The following GRAMD1C variants were observed in gnomAD, a reference collection of about 807,000 sequenced individuals.
The protein encoded by GRAMD1C is protein Aster-C.
Under a neutral mutation model 97.8 loss-of-function variants are expected in GRAMD1C, and 89 were observed. That is an observed-to-expected ratio of 0.91 (90% CI 0.77 to 1.09). GRAMD1C has a LOEUF of 1.09. GRAMD1C is among the 50% of genes least tolerant of loss of function. GRAMD1C has a pLI of 0.00. For missense variants in GRAMD1C, 740 were observed against 766.4 expected, an observed-to-expected ratio of 0.97 and a Z score of 0.41; for synonymous variants, 256 against 267.0, an observed-to-expected ratio of 0.96 and a Z score of 0.40.
At chr3:113,885,142 G>A (rs192966506) in intron 6 of GRAMD1C, among the ~76,000 whole-genome samples, 3 of 151,956 alleles carry the variant, frequency 2.0e-5, no homozygotes, top group Admixed American at 2.0e-4. Flanking sequence ...CTCGCCAGGG[G>A]TGGCTTTCTG....
At chr3:113,872,974 A>G (rs146618612) in intron 3 of GRAMD1C, among the ~76,000 whole-genome samples, 2,870 of 150,274 alleles carry the variant, frequency 0.019, 52 homozygotes, top group Non-Finnish European at 0.031. Context: ...AGTCCCAGCT[A>G]CTCGGGAGGC....
intron 6 of GRAMD1C, among the ~76,000 whole-genome samples, chr3:113,889,184 G>C (rs1441481093): frequency 8.3e-6 from 1 of 120,892 alleles, no homozygotes; most frequent in African/African-American, 3.2e-5. Flanking sequence ...TGGGCAGTAA[G>C]AGCAAAACTC....
intron 6 of GRAMD1C, among the ~76,000 whole-genome samples, chr3:113,888,893 A>G (rs1189190765): frequency 6.6e-6 from 1 of 152,230 alleles, no homozygotes; most frequent in African/African-American, 2.4e-5. Flanking sequence ...ATGTCCATCA[A>G]GTGATTAATG....
chr3:113,911,584 TTTCC>T lies in GRAMD1C; in HGVS notation c.952+2480_952+2483del, dbSNP rs1028737030. Among the ~76,000 whole-genome samples, 98 of 151,850 alleles carry T rather than the reference TTTCC, an allele frequency of 6.5e-4. 2 individuals are homozygous for T. In the South Asian group the frequency reaches 1.0e-2, roughly 15 times the overall value. ...CCACCTTATTTAACTTAATTATTTC[TTTCC>T]TTCCTTCCTTCCTTCTCCCTCCCTC... On this transcript the variant is annotated intron_variant, in intron 9 of 17. Coordinates refer to ENST00000358160, the MANE Select transcript of GRAMD1C (RefSeq NM_017577.5).
At chr3:113,838,108 A>G (rs537965691), upstream of GRAMD1C, among the ~76,000 whole-genome samples, 2 of 152,306 alleles carry the variant, frequency 1.3e-5, no homozygotes, top group South Asian at 4.1e-4. Flanking sequence ...CTCTTTCATC[A>G]TGGCCTGAAC....
At chr3:113,905,789 G>A (rs537359821) in intron 8 of GRAMD1C, among the ~76,000 whole-genome samples, 23 of 152,042 alleles carry the variant, frequency 1.5e-4, no homozygotes, top group African/African-American at 5.1e-4. Flanking sequence ...TCCGCCTCCT[G>A]GGTTCAAGCA....
At chr3:113,890,620 A>G in intron 6 of GRAMD1C, 1 of 588,810 alleles carries the variant, frequency 1.7e-6, no homozygotes, top group East Asian at 3.0e-5. Flanking sequence ...CCCACCCCAA[A>G]TACTAACTTG....
At chr3:113,927,466 G>C (rs1279284872) in intron 10 of GRAMD1C, among the ~76,000 whole-genome samples, 1 of 152,166 alleles carries the variant, frequency 6.6e-6, no homozygotes, top group African/African-American at 2.4e-5. Context: ...GCAAACCTGG[G>C]CATCTCACTC....
At chr3:113,878,474 T>A (rs982163689) in intron 5 of GRAMD1C, among the ~76,000 whole-genome samples, 2 of 152,184 alleles carry the variant, frequency 1.3e-5, no homozygotes, top group Non-Finnish European at 2.9e-5. Context: ...TTTCAAACCC[T>A]TTAAGGGGGT....
chr3:113,855,537 C>A (rs986513771), intron 2 of GRAMD1C, among the ~76,000 whole-genome samples: 16 of 151,558 alleles, frequency 1.1e-4, no homozygotes, highest in African/African-American at 3.6e-4. Flanking sequence ...AACCCCCTTT[C>A]TAATAAAAAT....
chr3:113,849,860 T>A (rs1323090479), intron 2 of GRAMD1C, among the ~76,000 whole-genome samples: 1 of 151,754 alleles, frequency 6.6e-6, no homozygotes. Context: ...CACTTCCCAG[T>A]AGGGGCGGCC....
At chr3:113,871,014 CA>C (rs1934786469) in intron 3 of GRAMD1C, among the ~76,000 whole-genome samples, 1 of 128,080 alleles carries the variant, frequency 7.8e-6, no homozygotes, top group Non-Finnish European at 1.6e-5. Flanking sequence ...CACACACACA[CA>C]CACACACAGA....
chr3:113,876,487 A>G (rs1935038776), intron 5 of GRAMD1C, among the ~76,000 whole-genome samples: 1 of 152,140 alleles, frequency 6.6e-6, no homozygotes, highest in South Asian at 2.1e-4. Flanking sequence ...CATATTTTTC[A>G]TTTCTAGGCA....
chr3:113,833,251 C>T (rs963494744), intron 1 of GRAMD1C, among the ~76,000 whole-genome samples: 14 of 151,510 alleles, frequency 9.2e-5, no homozygotes, highest in African/African-American at 3.4e-4. Flanking sequence ...AATTCTCCTG[C>T]CTCAGCCTCC....
At chr3:113,847,716 C>T (rs1344316452) in intron 2 of GRAMD1C, among the ~76,000 whole-genome samples, 1 of 152,166 alleles carries the variant, frequency 6.6e-6, no homozygotes, top group Non-Finnish European at 1.5e-5. Flanking sequence ...GGCATTGTAG[C>T]ACATGCCTGT....
intron 6 of GRAMD1C, among the ~76,000 whole-genome samples, chr3:113,898,811 G>T (rs957503007): frequency 3.9e-5 from 6 of 152,008 alleles, no homozygotes; most frequent in African/African-American, 1.4e-4. Context: ...GGATATTTTT[G>T]ACTTTTTGAA....
At chr3:113,887,854 T>A (rs1577167592) in intron 6 of GRAMD1C, among the ~76,000 whole-genome samples, 1 of 151,776 alleles carries the variant, frequency 6.6e-6, no homozygotes, top group Admixed American at 6.6e-5. Flanking sequence ...TAAGGAAATA[T>A]TATGAATAAT....
intron 4 of GRAMD1C, 117 bp from the exon 5 acceptor site, chr3:113,876,048 C>A: frequency 1.6e-6 from 1 of 608,368 alleles, no homozygotes; most frequent in Non-Finnish European, 2.9e-6. Context: ...AGTCGAAAAA[C>A]CTGAAGAATA....
At chr3:113,840,204 G>C (rs2108065942) in intron 1 of GRAMD1C, among the ~76,000 whole-genome samples, 1 of 152,252 alleles carries the variant, frequency 6.6e-6, no homozygotes, top group East Asian at 1.9e-4. Flanking sequence ...CTGACCTCAT[G>C]ATCCGCCCGC....
Sources: allele counts gnomAD v4.1 joint callset (sites outside exome capture counted in the v4.1 genomes callset), GRCh38; gene constraint gnomAD v4.1.1; transcripts MANE v1.5; gene names NCBI Gene and HGNC (gene_info 2026-07-23, HGNC 2026-07-21).